GALNTL6: variants seen among roughly 807,000 people sequenced by gnomAD.
GALNTL6 encodes the protein polypeptide N-acetylgalactosaminyltransferase like 6, also known as polypeptide N-acetylgalactosaminyltransferase-like 6.
Under a neutral mutation model 73.7 loss-of-function variants are expected in GALNTL6, and 46 were observed. The ratio of observed to expected loss-of-function variants is 0.62; its 90% confidence interval spans 0.49 to 0.80. The LOEUF is 0.80. Ranked by LOEUF, GALNTL6 falls within the 30% of genes least tolerant of loss-of-function variation. The probability of loss-of-function intolerance (pLI) is 0.00; values close to 1 mark genes in which losing one functional copy is unlikely to be tolerated. For missense variants in GALNTL6, 604 were observed against 755.0 expected, an observed-to-expected ratio of 0.80 and a Z score of 2.34; for synonymous variants, 259 against 263.7, an observed-to-expected ratio of 0.98 and a Z score of 0.17.
intron 8 of GALNTL6, 35 bp downstream of exon 8, chr4:172,882,942 A>G (rs375000738): frequency 1.0e-4 from 117 of 1,115,966 alleles, no homozygotes; most frequent in Admixed American, 5.1e-4. Flanking sequence ...CTATATCTGT[A>G]TAATTTTGAC....
chr4:172,057,972 T>A (rs1731079936), intron 2 of GALNTL6, among the ~76,000 whole-genome samples: 1 of 151,988 alleles, frequency 6.6e-6, no homozygotes, highest in Non-Finnish European at 1.5e-5. Context: ...AGTACCAAAC[T>A]GACTTCATTT....
chr4:172,632,047 A>T (rs1038715667), intron 5 of GALNTL6, among the ~76,000 whole-genome samples: 1 of 152,198 alleles, frequency 6.6e-6, no homozygotes, highest in African/African-American at 2.4e-5. Context: ...ATAAGATGTG[A>T]CTTTGTTCCT....
At position 172,813,537 on chromosome 4, in the gene GALNTL6, C is replaced by T. The variant is rs779892151; in HGVS notation, c.740-3C>T. 13 of 1,586,106 alleles carry T rather than the reference C, an allele frequency of 8.2e-6. No homozygotes were observed. The highest frequency in any genetic ancestry group is 1.7e-4 in the Middle Eastern group (1 of 5,936). Reference sequence around the variant, plus strand: ...TTTCCTATTTTGTGCTTTCATTTTTCAGACCAAATTGCACTAAACCACAAA... The same window carrying T: ...TTTCCTATTTTGTGCTTTCATTTTTTAGACCAAATTGCACTAAACCACAAA... On this transcript the variant is annotated splice_region_variant and splice_polypyrimidine_tract_variant and intron_variant, in intron 6 of 12. Transcript: ENST00000506823.
At chr4:171,960,852 G>A (rs892663356) in intron 2 of GALNTL6, among the ~76,000 whole-genome samples, 2 of 151,962 alleles carry the variant, frequency 1.3e-5, no homozygotes, top group African/African-American at 4.8e-5. Context: ...AGCTGGTGGT[G>A]TGAATCTAGT....
At chr4:171,858,855 T>C (rs1215321190) in intron 2 of GALNTL6, among the ~76,000 whole-genome samples, 3 of 152,134 alleles carry the variant, frequency 2.0e-5, no homozygotes, top group African/African-American at 7.2e-5. Context: ...ATATTTCTTT[T>C]ATACAACTAT....
At chr4:172,147,635 C>T (rs1344684391) in intron 2 of GALNTL6, among the ~76,000 whole-genome samples, 1 of 152,058 alleles carries the variant, frequency 6.6e-6, no homozygotes, top group African/African-American at 2.4e-5. Context: ...CTACACAAAC[C>T]CTAAGCAATA....
intron 2 of GALNTL6, among the ~76,000 whole-genome samples, chr4:172,047,132 C>T (rs556643976): frequency 2.0e-5 from 3 of 152,198 alleles, no homozygotes; most frequent in South Asian, 2.1e-4. Flanking sequence ...TTGAAACTTG[C>T]GCTCACTTCC....
intron 2 of GALNTL6, among the ~76,000 whole-genome samples, chr4:172,201,877 G>C (rs150899961): frequency 2.0e-5 from 3 of 152,208 alleles, no homozygotes; most frequent in Non-Finnish European, 4.4e-5. Flanking sequence ...GAGGGGTATG[G>C]TAGGTTCTCA....
At chr4:172,296,771 A>G (rs1739691982) in intron 3 of GALNTL6, among the ~76,000 whole-genome samples, 1 of 152,188 alleles carries the variant, frequency 6.6e-6, no homozygotes, top group African/African-American at 2.4e-5. Context: ...ATTGTTGGAC[A>G]TTTGTCTTGG....
intron 2 of GALNTL6, among the ~76,000 whole-genome samples, chr4:171,891,990 A>G (rs1736775472): frequency 2.0e-5 from 3 of 152,200 alleles, no homozygotes. Flanking sequence ...AAAACTTTAT[A>G]AGTATCAACA....
intron 2 of GALNTL6, among the ~76,000 whole-genome samples, chr4:171,901,741 T>A (rs1245022752): frequency 2.0e-5 from 3 of 152,164 alleles, no homozygotes; most frequent in Non-Finnish European, 4.4e-5. Flanking sequence ...TTAAAAGTGT[T>A]TAGGAAGTTG....
chr4:171,854,302 G>A (rs1426975660), intron 2 of GALNTL6, among the ~76,000 whole-genome samples: 2 of 152,248 alleles, frequency 1.3e-5, no homozygotes, highest in African/African-American at 4.8e-5. Context: ...TAATGGCTAT[G>A]CTCTCCAAAT....
intron 5 of GALNTL6, among the ~76,000 whole-genome samples, chr4:172,689,156 C>A (rs1335686766): frequency 6.6e-6 from 1 of 152,128 alleles, no homozygotes; most frequent in Non-Finnish European, 1.5e-5. Flanking sequence ...ATTCTACTTA[C>A]TCTTTACTAA....
intron 8 of GALNTL6, among the ~76,000 whole-genome samples, chr4:172,900,098 A>G (rs904604424): frequency 3.0e-4 from 46 of 152,122 alleles, no homozygotes; most frequent in African/African-American, 1.1e-3. Flanking sequence ...TTATTTACCC[A>G]GCCTCTATTC....
At chr4:172,761,201 C>T (rs1738064347) in intron 5 of GALNTL6, among the ~76,000 whole-genome samples, 1 of 152,178 alleles carries the variant, frequency 6.6e-6, no homozygotes, top group African/African-American at 2.4e-5. Flanking sequence ...GCAGAATTTA[C>T]ACCTAGACCT....
At chr4:172,427,355 A>T (rs561767226) in intron 5 of GALNTL6, among the ~76,000 whole-genome samples, 1 of 152,210 alleles carries the variant, frequency 6.6e-6, no homozygotes, top group Non-Finnish European at 1.5e-5. Context: ...AAACCATCAG[A>T]TCTCATGAGA....
chr4:172,106,486 T>A (rs1441302227), intron 2 of GALNTL6, among the ~76,000 whole-genome samples: 1 of 152,194 alleles, frequency 6.6e-6, no homozygotes, highest in East Asian at 1.9e-4. Flanking sequence ...ATACTTTTTC[T>A]GTAAGAATTC....
chr4:172,475,163 A>G (rs902015311), intron 5 of GALNTL6, among the ~76,000 whole-genome samples: 3 of 152,236 alleles, frequency 2.0e-5, no homozygotes, highest in African/African-American at 7.2e-5. Flanking sequence ...CTCTCTGCAC[A>G]CCTACAAAAT....
At chr4:172,778,231 C>G (rs922882933) in intron 5 of GALNTL6, among the ~76,000 whole-genome samples, 2 of 152,226 alleles carry the variant, frequency 1.3e-5, no homozygotes, top group African/African-American at 4.8e-5. Flanking sequence ...GAGTCACTCA[C>G]ACAGTTTTAA....
Sources: gnomAD v4.1 joint callset for allele counts (sites outside exome capture counted in the v4.1 genomes callset) on GRCh38, gnomAD v4.1.1 for gene constraint, MANE v1.5 for transcripts, NCBI Gene and HGNC (gene_info 2026-07-23, HGNC 2026-07-21) for gene names.